Variants in TTN observed in about 807,000 individuals in gnomAD.
The protein encoded by TTN is titin.
A neutral mutation model predicts 3,223.0 loss-of-function variants in TTN; 1,525 were observed. The observed-to-expected ratio is 0.47, with a 90% CI of 0.45 to 0.49. TTN has a LOEUF of 0.49. Ranked by LOEUF, TTN falls within the 20% of genes least tolerant of loss-of-function variation. The pLI, the probability that TTN is intolerant of heterozygous loss-of-function variation, is 0.00. For missense variants in TTN, 40,786 were observed against 43,424.0 expected, an observed-to-expected ratio of 0.94 and a Z score of 5.40; for synonymous variants, 14,094 against 15,161.0, an observed-to-expected ratio of 0.93 and a Z score of 5.17.
At chr2:178,724,777 C>T (rs993249819) in intron 71 of TTN, 21 of 359,698 alleles carry the variant, frequency 5.8e-5, no homozygotes, top group Non-Finnish European at 8.7e-5. Flanking sequence ...CTCTTGCTGT[C>T]GTCTTATGTA....
intron 46 of TTN, among the ~76,000 whole-genome samples, chr2:178,755,857 T>G (rs1285743834): frequency 2.0e-5 from 3 of 152,168 alleles, no homozygotes; most frequent in Non-Finnish European, 2.9e-5. Context: ...AAACTGAAAT[T>G]TACCACAGTA....
rs1212601280 is a variant in TTN at position 178,723,526 on chromosome 2, C to T, written c.21574G>A (p.Ala7192Thr). ...RCNIYFEDTV[A>T]ELELFNIDIS... The stretch of plus-strand genomic sequence containing the variant: ...TCAATATTAAATAATTCCAGTTCTG[C>T]CACAGTGTCTTCAAAATAGATGTTG... Residue 7192 changes from alanine (A) to threonine (T), a missense_variant, in exon 74 of 363, where the codon GCA (alanine) becomes ACA (threonine). Physicochemically the swap from Ala to Thr is moderately conservative, Grantham distance 58. Coordinates refer to ENST00000589042, the MANE Select transcript of TTN (RefSeq NM_001267550.2). The T allele has an allele frequency of 7.4e-6, 12 of 1,613,236 alleles. No homozygotes were observed. Among genetic ancestry groups the T allele is most frequent in the Non-Finnish European group, 1.0e-5 (12 of 1,179,606 alleles).
rs1195475569 is a variant in TTN, at chr2:178,593,755, A to G, written c.58545T>C (p.Tyr19515=). The G allele has an allele frequency of 1.9e-6, 3 of 1,613,140 alleles. No homozygotes were observed. The highest frequency in any genetic ancestry group is 2.2e-5 in the East Asian group (1 of 44,688). The change falls in exon 298 of 363, where the codon TAT becomes TAC. Residue 19515 remains tyrosine, a synonymous_variant. Coordinates refer to ENST00000589042, the MANE Select transcript of TTN (RefSeq NM_001267550.2). ...TACCCACTTCCTTCTTCTCAATAAT[A>G]TAATTGGTGATTTTACTGCCTCCAT... ...LDDGGSKITN[Y]IIEKKEVGKD...
rs780526209 is a variant in TTN, at chr2:178,528,269, C to T, written c.107377+5G>A. On this transcript the variant is annotated splice_donor_5th_base_variant and intron_variant, in intron 361 of 362. Coordinates refer to ENST00000589042, the MANE Select transcript of TTN (RefSeq NM_001267550.2). The stretch of plus-strand genomic sequence containing the variant: ...TGTAAGGAAGAAGGGTGAGGAGATA[C>T]TTACGAAGGACCATTAAGGAAGCTG... 10 of 1,613,152 alleles carry T rather than the reference C, an allele frequency of 6.2e-6. No individual in the cohort carries two copies. In the South Asian group the frequency reaches 8.8e-5, roughly 14 times the overall value.
Position 178,636,091 on chromosome 2 carries a change from A to C in TTN, c.41480T>G (p.Val13827Gly). ...CCGCATCAAGCCAATGACGCCTGGCACAATTCGGCCAGGTTTCTCCACCAC... is the reference window on the plus strand; with the variant it reads ...CCGCATCAAGCCAATGACGCCTGGCCCAATTCGGCCAGGTTTCTCCACCAC... ...KIVVEKPGRI[V>G]PGVIGLMRAL... Residue 13827 changes from valine to glycine, a missense_variant, in exon 226 of 363, where the codon GTG (valine) becomes GGG (glycine). Physicochemically the swap from Val to Gly is moderately radical, Grantham distance 109 (BLOSUM62 -3). Transcript: ENST00000589042. The surrounding 1 kb of genome is among the most constrained non-coding windows in gnomAD (Gnocchi z 4.3). 6.2e-7 allele frequency: 1 copy of C among 1,613,280 alleles called. No individual in the cohort carries two copies. Among genetic ancestry groups the C allele is most frequent in the Non-Finnish European group, 8.5e-7 (1 of 1,179,540 alleles).
At position 178,535,710 on chromosome 2, in the gene TTN, G is replaced by A; in HGVS notation, c.100905C>T (p.Leu33635=). Residue 33635 remains leucine, a synonymous_variant, in exon 358 of 363, where the codon CTC becomes CTT. Transcript: ENST00000589042. ...CTTGGTAGTGGCCATTATTGTCAAT[G>A]AGATCTTGTCCTTTCTGCCAGGTGA... ...PVITWQKGQD[L]IDNNGHYQVI... is the part of the protein sequence containing the mutation. 6.2e-7 allele frequency: 1 copy of A among 1,613,784 alleles called. No homozygotes were observed. The highest frequency in any genetic ancestry group is 1.7e-5 in the Admixed American group (1 of 60,010).
Position 178,553,347 on chromosome 2 carries a change from G to A in TTN, c.89553C>T (p.Ala29851=). The A allele has an allele frequency of 1.9e-6, 3 of 1,601,446 alleles. No homozygotes were observed. Among genetic ancestry groups the A allele is most frequent in the Non-Finnish European group, 2.6e-6 (3 of 1,176,110 alleles). ...ACACTTGTACATCTTCACCAGCTTTGGCAATAACAGAAGTTCTGAGAGCCA... is the reference window on the plus strand; with the variant it reads ...ACACTTGTACATCTTCACCAGCTTTAGCAATAACAGAAGTTCTGAGAGCCA... The part of the protein sequence containing the change: ...LDVALRTSVI[A]KAGEDVQVLI... The change falls in exon 335 of 363, where the codon GCC becomes GCT. Residue 29851 remains alanine (A), a synonymous_variant. Coordinates refer to ENST00000589042, the MANE Select transcript of TTN (RefSeq NM_001267550.2).
In TTN at chr2:178,541,111, G is replaced by A. The variant is rs543381001; in HGVS notation, c.97795+171C>T. On this transcript the variant is annotated intron_variant, in intron 350 of 362. Coordinates refer to ENST00000589042, the MANE Select transcript of TTN (RefSeq NM_001267550.2). ...GGTGGGGAAGGGACTGATTACAAAC[G>A]GACACAAGGGAACTTTACGGGGTAA... The A allele has an allele frequency of 9.1e-5, 53 of 582,122 alleles. No homozygotes were observed. In the African/African-American group the frequency reaches 9.7e-4, roughly 11 times the overall value. The allele number at this position is 582,122 out of a possible 1,614,324, so 36.1% of individuals were successfully genotyped here. A position where few individuals can be genotyped will look rare whatever the true frequency, so the allele number is the denominator to read the frequency against.
Position 178,572,838 on chromosome 2 carries a change from C to T in TTN, c.73294G>A (p.Ala24432Thr). ...RMLPPEIELD[A>T]DLRKVVTIRA... Reference sequence around the variant, plus strand: ...ATAGTAACAACTTTGCGCAGGTCAGCATCCAGTTCAATTTCTGGAGGCAGC... The same window carrying T: ...ATAGTAACAACTTTGCGCAGGTCAGTATCCAGTTCAATTTCTGGAGGCAGC... Residue 24432 changes from alanine (A) to threonine (T), a missense_variant, in exon 326 of 363, where the codon GCT (alanine) becomes ACT (threonine). Physicochemically the swap from Ala to Thr is moderately conservative, Grantham distance 58. Transcript: ENST00000589042. The T allele has an allele frequency of 6.2e-7, 1 of 1,613,410 alleles. No individual in the cohort carries two copies. Among genetic ancestry groups the T allele is most frequent in the Non-Finnish European group, 8.5e-7 (1 of 1,179,580 alleles).
chr2:178,714,106 C>T lies in TTN; in HGVS notation c.26552G>A (p.Cys8851Tyr), dbSNP rs398124444. The T allele has an allele frequency of 5.0e-6, 8 of 1,613,602 alleles. No homozygotes were observed. Among genetic ancestry groups the T allele is most frequent in the African/African-American group, 1.3e-5 (1 of 74,892 alleles). Residue 8851 changes from cysteine to tyrosine, a missense_variant, in exon 92 of 363, where the codon TGT (cysteine) becomes TAT (tyrosine). By Grantham distance (194) the Cys-to-Tyr change is radical. Coordinates refer to ENST00000589042, the MANE Select transcript of TTN (RefSeq NM_001267550.2). ...VTTGDTCTLE[C>Y]TVAGTPELST... ...GAGTTCAGGGGTGCCAGCTACTGTA[C>T]ACTCCAAGGTACAGGTGTCTCCCGT...
Position 178,544,122 on chromosome 2 carries a change from A to C in TTN, c.96029-7T>G. On this transcript the variant is annotated splice_polypyrimidine_tract_variant and splice_region_variant and intron_variant, in intron 345 of 362. Coordinates refer to ENST00000589042, the MANE Select transcript of TTN (RefSeq NM_001267550.2). ...AGCTCAAGATCTGGTATTTCTGGAA[A>C]GTTAATGACAAAATTTAATTAATTC... 1 of 1,602,612 alleles carries C rather than the reference A, an allele frequency of 6.2e-7. No individual in the cohort carries two copies. The highest frequency in any genetic ancestry group is 2.2e-5 in the East Asian group (1 of 44,668).
chr2:178,721,312 T>A, intron 78 of TTN, 110 bp from the exon 79 acceptor site: 1 of 952,568 alleles, frequency 1.0e-6, no homozygotes, highest in Non-Finnish European at 1.4e-6. Flanking sequence ...GGTTTGTTAT[T>A]AAGAATATAC....
chr2:178,724,657 C>T lies in TTN; in HGVS notation c.20837-119G>A, dbSNP rs533598350. The T allele has an allele frequency of 1.7e-3, 1,805 of 1,047,064 alleles. 3 individuals carry two copies. The highest frequency in any genetic ancestry group is 4.5e-3 in the South Asian group (130 of 28,764). The allele number at this position is 1,047,064 out of a possible 1,614,324, so 64.9% of individuals were successfully genotyped here. A position where few individuals can be genotyped will look rare whatever the true frequency, so the allele number is the denominator to read the frequency against. ...GGTTATGTTAGGGTGCTCTCTCTCT[C>T]GACTTTAAAGTGTGATTCCATAATT... is the stretch of plus-strand genomic sequence containing the variant. On this transcript the variant is annotated intron_variant, in intron 71 of 362. Transcript: ENST00000589042.
intron 207 of TTN, 33 bp downstream of exon 207, chr2:178,651,420 C>T (rs371905936): frequency 5.1e-4 from 818 of 1,599,330 alleles, no homozygotes; most frequent in Non-Finnish European, 6.7e-4. Context: ...GGGCTCCATC[C>T]GCCCCCATCA....
At chr2:178,748,639 A>T in intron 47 of TTN, 2 of 1,613,020 alleles carry the variant, frequency 1.2e-6, no homozygotes, top group Middle Eastern at 1.7e-4. Flanking sequence ...GGAATTTCAC[A>T]TCTGTGTGTT....
chr2:178,764,660 G>A lies in TTN; in HGVS notation c.9855C>T (p.Cys3285=). ...ATTCTTGCCCATCATGAAGAAATTT[G>A]CACTTGAAGCCAGTGGAAAGCAGCT... ...EEQLLSTGFK[C]KFLHDGQEYT... is the part of the protein sequence containing the mutation. Residue 3285 remains cysteine (C), a synonymous_variant, in exon 42 of 363, where the codon TGC becomes TGT. Coordinates refer to ENST00000589042, the MANE Select transcript of TTN (RefSeq NM_001267550.2). 1 of 1,614,110 alleles carries A rather than the reference G, an allele frequency of 6.2e-7. No individual in the cohort carries two copies. The highest frequency in any genetic ancestry group is 8.5e-7 in the Non-Finnish European group (1 of 1,179,990).
Position 178,653,225 on chromosome 2 carries a change from C to A in TTN, c.38791+13G>T. The A allele has an allele frequency of 6.2e-7, 1 of 1,611,488 alleles. No individual in the cohort carries two copies. The highest frequency in any genetic ancestry group is 8.5e-7 in the Non-Finnish European group (1 of 1,179,198). On this transcript the variant is annotated intron_variant, in intron 198 of 362. Transcript: ENST00000589042. ...AATTAGATCATCTGAAGCCTAAGGT[C>A]AGTGACAAATACCTTTAACAGGTGG...
At chr2:178,629,577 C>T (rs369116497) in intron 239 of TTN, 134 bp from the exon 240 acceptor site, 766 of 1,317,210 alleles carry the variant, frequency 5.8e-4, no homozygotes, top group Non-Finnish European at 7.5e-4. Flanking sequence ...TTAACTCCCA[C>T]GTGAACGTGG....
At position 178,620,392 on chromosome 2, in the gene TTN, G is replaced by T; in HGVS notation, c.46129C>A (p.Gln15377Lys). The T allele has an allele frequency of 6.2e-7, 1 of 1,612,128 alleles. No individual in the cohort carries two copies. Among genetic ancestry groups the T allele is most frequent in the Non-Finnish European group, 8.5e-7 (1 of 1,178,888 alleles). ...AGAAGCTCAGCAACAGATTTATCTT[G>T]TCCAGCAGTGACAATGTATTCACCT... ...DEGEYIVTAG[Q>K]DKSVAELLII... is the part of the protein sequence containing the mutation. The change falls in exon 248 of 363, where the codon CAA becomes AAA. Residue 15377 changes from glutamine to lysine, a missense_variant. Coordinates refer to ENST00000589042, the MANE Select transcript of TTN (RefSeq NM_001267550.2).
Sources: allele counts gnomAD v4.1 joint callset (sites outside exome capture counted in the v4.1 genomes callset), GRCh38; gene constraint gnomAD v4.1.1; non-coding constraint Gnocchi (gnomAD v3.1); transcripts MANE v1.5; gene names NCBI Gene and HGNC (gene_info 2026-07-23, HGNC 2026-07-21).